Variants in WWOX observed in about 807,000 individuals in gnomAD.
WWOX encodes WW domain-containing oxidoreductase.
WWOX carries 69 observed loss-of-function variants against 46.2 expected under a neutral mutation model. That is an observed-to-expected ratio of 1.49 (90% CI 1.23 to 1.82). The LOEUF (loss-of-function observed/expected upper bound fraction) is 1.82, where lower values mean the gene tolerates loss of function less well. Ranked by LOEUF, WWOX falls within the 40% of genes most tolerant of loss-of-function variation. The pLI is 0.00. For missense variants in WWOX, 919 were observed against 542.6 expected (o/e 1.69, Z -6.89); for synonymous variants, 359 against 202.6 (o/e 1.77, Z -6.56).
At chr16:78,715,203 G>A (rs1383204060) in intron 8 of WWOX, among the ~76,000 whole-genome samples, 1 of 152,204 alleles carries the variant, frequency 6.6e-6, no homozygotes, top group African/African-American at 2.4e-5. Context: ...AAAGAGTTCA[G>A]TTGCAAGTTA....
chr16:78,710,413 C>G (rs1320705992), intron 8 of WWOX, among the ~76,000 whole-genome samples: 1 of 142,180 alleles, frequency 7.0e-6, no homozygotes, highest in East Asian at 2.1e-4. Flanking sequence ...CAGCATTGGC[C>G]ACACCAGTGG....
chr16:78,177,157 T>C (rs561171517), intron 5 of WWOX, among the ~76,000 whole-genome samples: 1 of 152,236 alleles, frequency 6.6e-6, no homozygotes, highest in Non-Finnish European at 1.5e-5. Flanking sequence ...TTTTCTTTTA[T>C]AAAAGGGCGG....
At chr16:78,893,518 A>G (rs938267456) in intron 8 of WWOX, among the ~76,000 whole-genome samples, 4 of 152,150 alleles carry the variant, frequency 2.6e-5, no homozygotes, top group African/African-American at 7.2e-5. Flanking sequence ...GTCACTGCCT[A>G]AGACACTTCC....
intron 6 of WWOX, among the ~76,000 whole-genome samples, chr16:78,414,517 C>A (rs1429749273): frequency 6.6e-6 from 1 of 152,126 alleles, no homozygotes; most frequent in East Asian, 1.9e-4. Flanking sequence ...TGCAGTGAGC[C>A]AATTGCGCCA....
At chr16:79,028,860 A>C (rs2047697846) in intron 8 of WWOX, among the ~76,000 whole-genome samples, 1 of 151,178 alleles carries the variant, frequency 6.6e-6, no homozygotes, top group Non-Finnish European at 1.5e-5. Flanking sequence ...CATTCTGAAA[A>C]CTGGGAAGAG....
intron 5 of WWOX, among the ~76,000 whole-genome samples, chr16:78,203,553 A>C (rs11865911): frequency 0.25 from 38,219 of 152,062 alleles, 4,926 homozygotes; most frequent in East Asian, 0.38. Flanking sequence ...CAATAATATA[A>C]TTAGGCAAAC....
intron 8 of WWOX, among the ~76,000 whole-genome samples, chr16:78,677,387 G>A (rs577964623): frequency 1.2e-4 from 18 of 152,266 alleles, no homozygotes; most frequent in Admixed American, 1.0e-3. Flanking sequence ...ATTTTGGCCT[G>A]CATCCTGTTT....
intron 8 of WWOX, among the ~76,000 whole-genome samples, chr16:78,842,430 A>ATG (rs1487196590): frequency 2.0e-5 from 3 of 151,886 alleles, no homozygotes; most frequent in African/African-American, 7.3e-5. Flanking sequence ...TTGAGGCTGG[A>ATG]TGTGTGTGGC....
rs141282216 is a variant in WWOX, at chr16:78,663,205, A to G, written c.1056+230453A>G. Among the ~76,000 whole-genome samples, 941 of 152,302 alleles carry G rather than the reference A, an allele frequency of 6.2e-3. 5 individuals carry two copies. Among genetic ancestry groups the G allele is most frequent in the Middle Eastern group, 0.041 (12 of 294 alleles). On this transcript the variant is annotated intron_variant, in intron 8 of 8. Transcript: ENST00000566780. Reference sequence around the variant, plus strand: ...ACAACTACTCATTGACTTTGTTTCTATGACTTTACCTATTTCGGGTAATTG... The same window carrying G: ...ACAACTACTCATTGACTTTGTTTCTGTGACTTTACCTATTTCGGGTAATTG...
At chr16:78,803,800 G>A (rs1343347287) in intron 8 of WWOX, among the ~76,000 whole-genome samples, 4 of 152,084 alleles carry the variant, frequency 2.6e-5, no homozygotes, top group Non-Finnish European at 4.4e-5. Context: ...GGATCTGTTG[G>A]AAGTGGCATG....
At chr16:78,199,838 G>T (rs1014580207) in intron 5 of WWOX, among the ~76,000 whole-genome samples, 2 of 152,146 alleles carry the variant, frequency 1.3e-5, no homozygotes, top group Admixed American at 6.5e-5. Context: ...ATTTATGTCT[G>T]TAGATTTCAC....
chr16:78,893,374 C>G (rs1293432886), intron 8 of WWOX, among the ~76,000 whole-genome samples: 1 of 152,142 alleles, frequency 6.6e-6, no homozygotes, highest in African/African-American at 2.4e-5. Flanking sequence ...GCTGTCATAC[C>G]AGGCTCCCCC....
At chr16:78,830,726 A>G (rs1470503724) in intron 8 of WWOX, among the ~76,000 whole-genome samples, 1 of 151,678 alleles carries the variant, frequency 6.6e-6, no homozygotes, top group Non-Finnish European at 1.5e-5. Flanking sequence ...CGATTTGGCC[A>G]AGCAGGACGG....
intron 8 of WWOX, among the ~76,000 whole-genome samples, chr16:78,788,225 C>T (rs961170548): frequency 5.3e-5 from 8 of 152,134 alleles, no homozygotes; most frequent in Non-Finnish European, 1.0e-4. Flanking sequence ...TTGCCAAATC[C>T]AAGGACATAA....
intron 8 of WWOX, among the ~76,000 whole-genome samples, chr16:78,947,187 A>G (rs16949018): frequency 0.017 from 2,646 of 152,154 alleles, 68 homozygotes; most frequent in African/African-American, 0.061. Context: ...AGAAAACCCC[A>G]TAACAATGAA....
At chr16:78,379,080 C>G (rs1440689474) in intron 5 of WWOX, among the ~76,000 whole-genome samples, 1 of 152,228 alleles carries the variant, frequency 6.6e-6, no homozygotes, top group Admixed American at 6.5e-5. Flanking sequence ...GTTTTCTCAT[C>G]TGTAAAATGG....
intron 6 of WWOX, among the ~76,000 whole-genome samples, chr16:78,412,196 G>A (rs923540169): frequency 6.6e-6 from 1 of 152,172 alleles, no homozygotes. Flanking sequence ...AGGAGAAGAT[G>A]GGATAGCACA....
intron 8 of WWOX, among the ~76,000 whole-genome samples, chr16:78,537,016 A>G (rs1348860517): frequency 6.6e-6 from 1 of 151,456 alleles, no homozygotes; most frequent in East Asian, 1.9e-4. Context: ...TCTCAGGTTC[A>G]AGCAATTATC....
intron 8 of WWOX, among the ~76,000 whole-genome samples, chr16:78,983,621 G>C (rs1308664156): frequency 6.6e-6 from 1 of 152,090 alleles, no homozygotes; most frequent in African/African-American, 2.4e-5. Flanking sequence ...GACTCTCCTG[G>C]TGTTAGATTT....
Sources: gnomAD v4.1 joint callset for allele counts (sites outside exome capture counted in the v4.1 genomes callset) on GRCh38, gnomAD v4.1.1 for gene constraint, MANE v1.5 for transcripts, NCBI Gene and HGNC (gene_info 2026-07-23, HGNC 2026-07-21) for gene names.